CACNA1E: variants seen among roughly 807,000 people sequenced by gnomAD.
CACNA1E encodes the protein voltage-dependent R-type calcium channel subunit alpha-1E.
Under a neutral mutation model 259.2 loss-of-function variants are expected in CACNA1E, and 40 were observed. The observed-to-expected ratio is 0.15, with a 90% CI of 0.12 to 0.20. The LOEUF is 0.20. Among genes scored for constraint, CACNA1E ranks in the 10% least tolerant of loss-of-function variants. The pLI is 1.00. For synonymous variants in CACNA1E, 1,104 were observed against 1,138.5 expected (o/e 0.97, Z 0.61); for missense variants, 1,874 against 3,040.1 (o/e 0.62, Z 9.02).
chr1:181,719,255 A>C (rs1654211258), intron 12 of CACNA1E, among the ~76,000 whole-genome samples: 3 of 152,258 alleles, frequency 2.0e-5, no homozygotes, highest in Non-Finnish European at 2.9e-5. Flanking sequence ...TGCATCTTGC[A>C]GCAATCAGAT....
intron 1 of CACNA1E, among the ~76,000 whole-genome samples, chr1:181,510,024 C>T (rs1406393744): frequency 6.6e-6 from 1 of 152,202 alleles, no homozygotes; most frequent in Non-Finnish European, 1.5e-5. Context: ...CAATGGATTG[C>T]AGCAGCTGGA....
At chr1:181,346,284 T>C (rs1234333973) in intron 1 of CACNA1E, among the ~76,000 whole-genome samples, 1 of 152,246 alleles carries the variant, frequency 6.6e-6, no homozygotes, top group Non-Finnish European at 1.5e-5. Flanking sequence ...CTTTCTCCAA[T>C]ACATTTCTCT....
chr1:181,577,914 T>C (rs901111647), intron 4 of CACNA1E, 45 bp downstream of exon 4: 13 of 1,284,124 alleles, frequency 1.0e-5, no homozygotes, highest in Admixed American at 1.9e-5. Context: ...ACTTTCTTCA[T>C]GTGTCCTCAG....
At chr1:181,778,603 G>A (rs1396341399) in intron 38 of CACNA1E, among the ~76,000 whole-genome samples, 3 of 152,196 alleles carry the variant, frequency 2.0e-5, no homozygotes, top group Non-Finnish European at 2.9e-5. Flanking sequence ...AGAAGATGCT[G>A]TAGCCACTGA....
At chr1:181,574,825 GAC>G (rs1164207333) in intron 3 of CACNA1E, among the ~76,000 whole-genome samples, 1 of 152,116 alleles carries the variant, frequency 6.6e-6, no homozygotes, top group Non-Finnish European at 1.5e-5. Context: ...AGGAGTTCGA[GAC>G]CAGCCTGGAC....
At chr1:181,516,748 A>G (rs913895023) in intron 3 of CACNA1E, among the ~76,000 whole-genome samples, 5 of 152,178 alleles carry the variant, frequency 3.3e-5, no homozygotes, top group African/African-American at 1.2e-4. Context: ...TTGTATGTTA[A>G]AGTATTGGTG....
Position 181,737,556 on chromosome 1 carries a change from C to G in CACNA1E, c.3454C>G (p.Leu1152Val). Residue 1152 changes from leucine (L) to valine (V), a missense_variant, in exon 23 of 48, where the codon CTG becomes GTG. Leu to Val is a conservative substitution (Grantham distance 32). This residue lies in a region of CACNA1E where 56 missense variants were observed against 97.4 expected (regional missense o/e 0.57). Coordinates refer to ENST00000367573, the MANE Select transcript of CACNA1E (RefSeq NM_001205293.3). ...GAGGGCCTGCCACTACATCGTGAACCTGCGCTACTTTGAGATGTGCATCCT... is the reference window on the plus strand; with the variant it reads ...GAGGGCCTGCCACTACATCGTGAACGTGCGCTACTTTGAGATGTGCATCCT... ...IRRACHYIVN[L>V]RYFEMCILLV... is the part of the protein sequence containing the mutation. 2.5e-6 allele frequency: 4 copies of G among 1,614,036 alleles called. No homozygotes were observed. Among genetic ancestry groups the G allele is most frequent in the East Asian group, 2.2e-5 (1 of 44,884 alleles).
At chr1:181,337,771 T>G (rs762354183) in intron 1 of CACNA1E, among the ~76,000 whole-genome samples, 5 of 152,256 alleles carry the variant, frequency 3.3e-5, no homozygotes, top group Admixed American at 1.3e-4. Flanking sequence ...GGTAGACACT[T>G]AAGTTGTTTC....
At chr1:181,646,585 A>T (rs1325860277) in intron 6 of CACNA1E, among the ~76,000 whole-genome samples, 1 of 152,206 alleles carries the variant, frequency 6.6e-6, no homozygotes, top group East Asian at 1.9e-4. Flanking sequence ...TGCTCTGTGA[A>T]GAGGGTGCAC....
In CACNA1E at chr1:181,724,087, A is replaced by G. The variant is rs369005256; in HGVS notation, c.2075-383A>G. Among the ~76,000 whole-genome samples the G allele has an allele frequency of 2.6e-5, 4 of 152,304 alleles. No individual in the cohort carries two copies. The East Asian group carries it at 7.7e-4, about 29-fold the overall frequency. ...ACCAGCCCCCATCCAGAAGCTACCT[A>G]GGGGCTACCAGATAACACTTTGGAG... On this transcript the variant is annotated intron_variant, in intron 16 of 47. Transcript: ENST00000367573.
At chr1:181,643,892 C>T (rs199958) in intron 6 of CACNA1E, among the ~76,000 whole-genome samples, 108,165 of 152,050 alleles carry the variant, frequency 0.71, 40,061 homozygotes, top group East Asian at 0.95. Flanking sequence ...CCTGGCTAAG[C>T]CAGATGCTGC....
chr1:181,758,788 G>A lies in CACNA1E; in HGVS notation c.4525G>A (p.Ala1509Thr). ...YYSAPCTYEL[A>T]LKYLNIAFTM... is the part of the protein sequence containing the mutation. ...TTCTGCTCCCTGTACCTATGAGCTG[G>A]CCCTGAAGTACCTGAATATCGCCTT... The change falls in exon 32 of 48, where the codon GCC becomes ACC. Residue 1509 changes from alanine (A) to threonine (T), a missense_variant. Transcript: ENST00000367573. The surrounding 1 kb of genome is among the most constrained non-coding windows in gnomAD (Gnocchi z 4.2). The A allele has an allele frequency of 6.2e-7, 1 of 1,609,076 alleles. No homozygotes were observed. Among genetic ancestry groups the A allele is most frequent in the South Asian group, 1.1e-5 (1 of 90,956 alleles).
intron 3 of CACNA1E, among the ~76,000 whole-genome samples, chr1:181,568,082 A>G (rs939403503): frequency 6.6e-6 from 1 of 152,154 alleles, no homozygotes; most frequent in African/African-American, 2.4e-5. Flanking sequence ...ACATAGGTCA[A>G]TTGAAGCCCA....
At chr1:181,369,838 A>G (rs1654550155) in intron 1 of CACNA1E, among the ~76,000 whole-genome samples, 1 of 152,218 alleles carries the variant, frequency 6.6e-6, no homozygotes, top group East Asian at 1.9e-4. Flanking sequence ...GTACATGTTC[A>G]GGTTTGTCAT....
chr1:181,611,840 T>C (rs927711492), intron 6 of CACNA1E, among the ~76,000 whole-genome samples: 15 of 152,212 alleles, frequency 9.9e-5, no homozygotes, highest in Non-Finnish European at 2.2e-4. Context: ...AGTTCTTAGA[T>C]AAAGACCACT....
intron 1 of CACNA1E, among the ~76,000 whole-genome samples, chr1:181,363,052 T>C (rs1654005966): frequency 1.3e-5 from 2 of 152,210 alleles, no homozygotes; most frequent in Non-Finnish European, 2.9e-5. Context: ...GTGGACATAG[T>C]TCCCCCTGGG....
chr1:181,352,931 T>C (rs1157535473), intron 1 of CACNA1E, among the ~76,000 whole-genome samples: 1 of 152,122 alleles, frequency 6.6e-6, no homozygotes, highest in Non-Finnish European at 1.5e-5. Flanking sequence ...CAGGAAGAAC[T>C]AGTGAACTAG....
rs1221508784 is a variant in CACNA1E at position 181,803,559 on chromosome 1, G to A, written c.*4725G>A. 6.6e-6 allele frequency: 1 copy of A among 152,226 alleles called. No individual in the cohort carries two copies. Among genetic ancestry groups the A allele is most frequent in the Non-Finnish European group, 1.5e-5 (1 of 68,050 alleles). The allele number at this position is 152,226 out of a possible 1,614,324, so 9.4% of individuals were successfully genotyped here. ...GTCTACCCCAAATAGAGCAGCAGCT[G>A]ATGGCTTCTCTGCTGTCTGTGGAGG... On this transcript the variant is annotated 3_prime_UTR_variant, in exon 48 of 48. Coordinates refer to ENST00000367573, the MANE Select transcript of CACNA1E (RefSeq NM_001205293.3).
At chr1:181,595,777 C>T (rs10752859) in intron 6 of CACNA1E, among the ~76,000 whole-genome samples, 130,824 of 152,090 alleles carry the variant, frequency 0.86, 57,164 homozygotes, top group East Asian at 0.98. Context: ...AGCCTTGGTC[C>T]ACGCTGTAGG....
Sources: gnomAD v4.1 joint callset for allele counts (sites outside exome capture counted in the v4.1 genomes callset) on GRCh38, gnomAD v4.1.1 for gene constraint, gnomAD v4.1.1 regional missense constraint, Gnocchi (gnomAD v3.1) non-coding constraint, MANE v1.5 for transcripts, NCBI Gene and HGNC (gene_info 2026-07-23, HGNC 2026-07-21) for gene names.